Variants in DTNA observed in about 807,000 individuals in gnomAD.
DTNA encodes dystrobrevin alpha, also known as dystrophin-related protein 3.
Under a neutral mutation model 100.7 loss-of-function variants are expected in DTNA, and 43 were observed. That is an observed-to-expected ratio of 0.43 (90% CI 0.33 to 0.55). The LOEUF is 0.55. Ranked by LOEUF, DTNA falls within the 20% of genes least tolerant of loss-of-function variation. DTNA has a pLI of 0.04. For synonymous variants in DTNA, 349 were observed against 347.9 expected (o/e 1.00, Z -0.04); for missense variants, 798 against 953.9 (o/e 0.84, Z 2.15).
chr18:34,844,527 T>C (rs955080709), intron 13 of DTNA, among the ~76,000 whole-genome samples: 2 of 152,154 alleles, frequency 1.3e-5, no homozygotes, highest in African/African-American at 4.8e-5. Flanking sequence ...TAGAGAATAA[T>C]CTAATAAAGC....
At chr18:34,553,858 G>A (rs1174530219) in intron 1 of DTNA, among the ~76,000 whole-genome samples, 13 of 151,962 alleles carry the variant, frequency 8.6e-5, no homozygotes, top group African/African-American at 1.2e-4. Context: ...TTGGTGATGC[G>A]GGCTCTTTTT....
rs2075953818 is a variant in DTNA, at chr18:34,666,536, A to G, written c.-1-89440A>G. On this transcript the variant is annotated intron_variant, in intron 1 of 19. Transcript: ENST00000283365. ...AATGGTATTGCCTAGGTTTTCTTCTAGGGTTTTTATGGTTTTAGGTCTAAC... is the reference window on the plus strand; with the variant it reads ...AATGGTATTGCCTAGGTTTTCTTCTGGGGTTTTTATGGTTTTAGGTCTAAC... Among the ~76,000 whole-genome samples, 4 of 152,070 alleles carry G rather than the reference A, an allele frequency of 2.6e-5. No homozygotes were observed. In the South Asian group the frequency reaches 8.3e-4, roughly 32 times the overall value.
At chr18:34,522,106 C>T (rs553634814) in intron 1 of DTNA, among the ~76,000 whole-genome samples, 125 of 152,312 alleles carry the variant, frequency 8.2e-4, no homozygotes, top group Non-Finnish European at 1.5e-3. Flanking sequence ...ATTTAGATGA[C>T]ATGTCTTGAT....
rs1239554028 is a variant in DTNA, at chr18:34,859,123, T to C, written c.1646+725T>C. On this transcript the variant is annotated intron_variant, in intron 16 of 22. Coordinates refer to ENST00000444659, the MANE Select transcript of DTNA (RefSeq NM_001386795.1). ...TAAAAATAGGCATCACACCTTCCTG[T>C]ACTATAAAGGAACATAAAAGCCTAG... 3.3e-5 allele frequency among the ~76,000 whole-genome samples: 5 copies of C among 152,194 alleles called. No individual in the cohort carries two copies. In the East Asian group the frequency reaches 7.7e-4, roughly 23 times the overall value.
intron 1 of DTNA, among the ~76,000 whole-genome samples, chr18:34,698,691 A>C (rs1179809858): frequency 6.6e-6 from 1 of 152,230 alleles, no homozygotes; most frequent in East Asian, 1.9e-4. Flanking sequence ...ACAAAGCTGA[A>C]GAACTTGGAG....
At chr18:34,767,415 G>A (rs919019164) in intron 3 of DTNA, 1 of 152,136 alleles carries the variant, frequency 6.6e-6, no homozygotes, top group Non-Finnish European at 1.5e-5. Context: ...ATAAAAATGG[G>A]GCTGAAGTTT....
intron 1 of DTNA, among the ~76,000 whole-genome samples, chr18:34,670,786 T>G (rs1407296065): frequency 6.6e-6 from 1 of 152,162 alleles, no homozygotes; most frequent in Non-Finnish European, 1.5e-5. Flanking sequence ...TCTGGAGGTT[T>G]TGTCTCAGAG....
At chr18:34,772,655 C>A (rs2093839106) in intron 3 of DTNA, among the ~76,000 whole-genome samples, 1 of 152,154 alleles carries the variant, frequency 6.6e-6, no homozygotes, top group Non-Finnish European at 1.5e-5. Context: ...TTTCCTCTTC[C>A]CTGCTTCATG....
chr18:34,731,018 G>T (rs1190572599), intron 1 of DTNA, among the ~76,000 whole-genome samples: 1 of 152,196 alleles, frequency 6.6e-6, no homozygotes, highest in African/African-American at 2.4e-5. Flanking sequence ...ACTATGCAGA[G>T]AAATTTAGCT....
intron 8 of DTNA, chr18:34,818,589 A>G (rs1240234635): frequency 4.5e-6 from 6 of 1,323,122 alleles, no homozygotes; most frequent in Admixed American, 3.1e-5. Context: ...ATAATTCAGT[A>G]CTGATTTAAA....
intron 13 of DTNA, among the ~76,000 whole-genome samples, chr18:34,844,369 C>G (rs184006480): frequency 5.9e-5 from 9 of 152,174 alleles, no homozygotes; most frequent in Non-Finnish European, 1.0e-4. Context: ...GTTTCTTTCC[C>G]CATTCTTCAG....
intron 17 of DTNA, chr18:34,867,450 G>GTATA: frequency 8.2e-7 from 1 of 1,224,164 alleles, no homozygotes; most frequent in Non-Finnish European, 1.0e-6. Flanking sequence ...AATTGCCCAT[G>GTATA]AATGCATACA....
At chr18:34,636,185 A>T (rs1272661300) in intron 1 of DTNA, among the ~76,000 whole-genome samples, 1 of 152,170 alleles carries the variant, frequency 6.6e-6, no homozygotes, top group Non-Finnish European at 1.5e-5. Flanking sequence ...TCACTCTGTC[A>T]CCCAGGCTGG....
chr18:34,556,020 T>C (rs1174557087), intron 1 of DTNA, among the ~76,000 whole-genome samples: 1 of 150,824 alleles, frequency 6.6e-6, no homozygotes, highest in African/African-American at 2.4e-5. Flanking sequence ...TCTTTGTAGG[T>C]CACTCAGGAC....
In DTNA at chr18:34,538,680, T is replaced by C. The variant is rs183922370; in HGVS notation, c.-2+45166T>C. On this transcript the variant is annotated intron_variant, in intron 1 of 19. Transcript: ENST00000283365. ...AATCCGTTAAAAATAAGTAGCCCAA[T>C]GCCTGATATATGGTAAATACCCCAT... Among the ~76,000 whole-genome samples the C allele has an allele frequency of 4.0e-3, 602 of 152,168 alleles. 4 individuals are homozygous for C. The highest frequency in any genetic ancestry group is 0.014 in the African/African-American group (561 of 41,552).
chr18:34,751,328 C>T (rs917540327), intron 1 of DTNA, among the ~76,000 whole-genome samples: 9 of 152,228 alleles, frequency 5.9e-5, no homozygotes, highest in African/African-American at 1.9e-4. Flanking sequence ...TTCCGTTAGT[C>T]GTGTGTTCCC....
chr18:34,881,263 C>A (rs774412247), intron 20 of DTNA, among the ~76,000 whole-genome samples: 2 of 152,230 alleles, frequency 1.3e-5, no homozygotes, highest in Admixed American at 6.5e-5. Context: ...TAAACATGTA[C>A]TTGTGTTTTA....
chr18:34,516,726 A>T (rs1241760914), intron 1 of DTNA, among the ~76,000 whole-genome samples: 1 of 152,164 alleles, frequency 6.6e-6, no homozygotes, highest in Non-Finnish European at 1.5e-5. Flanking sequence ...CCCCTTAGGC[A>T]GTCAGGCCCA....
chr18:34,615,857 C>G (rs573353572), intron 1 of DTNA, among the ~76,000 whole-genome samples: 1 of 152,148 alleles, frequency 6.6e-6, no homozygotes, highest in African/African-American at 2.4e-5. Context: ...TCTCTTCTTG[C>G]ATTAGTTCAC....
Sources: gnomAD v4.1 joint callset for allele counts (sites outside exome capture counted in the v4.1 genomes callset) on GRCh38, gnomAD v4.1.1 for gene constraint, MANE v1.5 for transcripts, NCBI Gene and HGNC (gene_info 2026-07-23, HGNC 2026-07-21) for gene names.